RNF13: variants seen among roughly 807,000 people sequenced by gnomAD.
RNF13 encodes E3 ubiquitin-protein ligase RNF13.
Under a neutral mutation model 37.7 loss-of-function variants are expected in RNF13, and 19 were observed. The ratio of observed to expected loss-of-function variants is 0.50; its 90% confidence interval spans 0.35 to 0.74. RNF13 has a LOEUF of 0.74. Among genes scored for constraint, RNF13 ranks in the 30% least tolerant of loss-of-function variants. The pLI is 0.01. For synonymous variants in RNF13, 144 were observed against 157.8 expected, an observed-to-expected ratio of 0.91 and a Z score of 0.65; for missense variants, 375 against 453.0, an observed-to-expected ratio of 0.83 and a Z score of 1.56.
intron 5 of RNF13, among the ~76,000 whole-genome samples, chr3:149,896,073 G>A (rs972736885): frequency 6.6e-6 from 1 of 152,084 alleles, no homozygotes; most frequent in African/African-American, 2.4e-5. Context: ...AGCTTGTAGG[G>A]AAAAACGAGC....
intron 1 of RNF13, among the ~76,000 whole-genome samples, chr3:149,818,898 G>A (rs536664102): frequency 1.3e-5 from 2 of 152,002 alleles, no homozygotes; most frequent in Non-Finnish European, 2.9e-5. Flanking sequence ...GTGACAGAGC[G>A]TGACTCTGTC....
intron 7 of RNF13, among the ~76,000 whole-genome samples, chr3:149,913,790 T>G (rs1450248750): frequency 6.6e-6 from 1 of 152,194 alleles, no homozygotes; most frequent in African/African-American, 2.4e-5. Flanking sequence ...TTTGAGGGTA[T>G]ATGGTATCTG....
chr3:149,816,582 A>G (rs1397545287), intron 1 of RNF13, among the ~76,000 whole-genome samples: 5 of 149,264 alleles, frequency 3.3e-5, no homozygotes, highest in Admixed American at 1.3e-4. Context: ...AGGAGGGTGG[A>G]AAAAAAAAAG....
intron 3 of RNF13, among the ~76,000 whole-genome samples, chr3:149,869,467 G>A (rs959509656): frequency 2.6e-5 from 4 of 151,076 alleles, no homozygotes; most frequent in African/African-American, 7.3e-5. Flanking sequence ...TTAGCCGGGC[G>A]TAGTGGCGGG....
chr3:149,942,245 G>C (rs892799311), intron 8 of RNF13, among the ~76,000 whole-genome samples: 2 of 152,064 alleles, frequency 1.3e-5, no homozygotes, highest in Non-Finnish European at 2.9e-5. Context: ...AATGTCATTG[G>C]TATTTTGATA....
At chr3:149,832,802 G>T (rs116378835) in intron 1 of RNF13, among the ~76,000 whole-genome samples, 1 of 152,134 alleles carries the variant, frequency 6.6e-6, no homozygotes, top group African/African-American at 2.4e-5. Flanking sequence ...TGAATACCTG[G>T]AAAGACACAA....
At chr3:149,820,244 G>A (rs1021392356) in intron 1 of RNF13, among the ~76,000 whole-genome samples, 4 of 151,314 alleles carry the variant, frequency 2.6e-5, no homozygotes, top group South Asian at 2.1e-4. Flanking sequence ...TAAAGAGACC[G>A]TCTTTTTCTG....
At chr3:149,959,021 A>G (rs1722129674) in intron 8 of RNF13, among the ~76,000 whole-genome samples, 1 of 152,332 alleles carries the variant, frequency 6.6e-6, no homozygotes, top group South Asian at 2.1e-4. Context: ...CATCCAGACT[A>G]TCCATCCAGA....
chr3:149,956,712 T>C (rs774068667), intron 8 of RNF13, among the ~76,000 whole-genome samples: 20 of 152,220 alleles, frequency 1.3e-4, no homozygotes, highest in Non-Finnish European at 1.9e-4. Context: ...TATTGTTTCA[T>C]ATAACAGACA....
chr3:149,859,264 A>G (rs1723978163), intron 3 of RNF13, among the ~76,000 whole-genome samples: 1 of 152,236 alleles, frequency 6.6e-6, no homozygotes, highest in African/African-American at 2.4e-5. Flanking sequence ...TATACATGAA[A>G]TAAGAATTCT....
intron 4 of RNF13, among the ~76,000 whole-genome samples, chr3:149,888,555 T>C (rs916577241): frequency 2.6e-5 from 4 of 152,234 alleles, no homozygotes; most frequent in African/African-American, 9.6e-5. Context: ...AAATTACTCT[T>C]CGTGCAAAAC....
At chr3:149,892,859 G>A (rs1237323941) in intron 4 of RNF13, among the ~76,000 whole-genome samples, 1 of 152,094 alleles carries the variant, frequency 6.6e-6, no homozygotes, top group Non-Finnish European at 1.5e-5. Flanking sequence ...GTAAGTATAA[G>A]ACACTATATA....
At chr3:149,865,346 A>ATG (rs1171252509) in intron 3 of RNF13, among the ~76,000 whole-genome samples, 8 of 148,958 alleles carry the variant, frequency 5.4e-5, no homozygotes, top group African/African-American at 2.0e-4. Context: ...ATATATATAT[A>ATG]TATATGTATA....
chr3:149,819,179 A>G (rs1471354222), intron 1 of RNF13, among the ~76,000 whole-genome samples: 1 of 152,218 alleles, frequency 6.6e-6, no homozygotes, highest in Non-Finnish European at 1.5e-5. Context: ...CTAATGTTTC[A>G]CTTCACTAAC....
intron 1 of RNF13, among the ~76,000 whole-genome samples, chr3:149,838,597 T>C (rs571577444): frequency 6.6e-6 from 1 of 152,294 alleles, no homozygotes; most frequent in East Asian, 1.9e-4. Flanking sequence ...TGGCTCTGTT[T>C]AGCCACGGCT....
At chr3:149,957,450 A>G (rs1251384504) in intron 8 of RNF13, among the ~76,000 whole-genome samples, 2 of 152,180 alleles carry the variant, frequency 1.3e-5, no homozygotes, top group Non-Finnish European at 2.9e-5. Context: ...AAATAAAACC[A>G]GAAGTCTTTT....
At chr3:149,933,415 A>T (rs1335850456) in intron 8 of RNF13, among the ~76,000 whole-genome samples, 1 of 152,096 alleles carries the variant, frequency 6.6e-6, no homozygotes, top group Admixed American at 6.5e-5. Flanking sequence ...GCCACCAAGG[A>T]TTACAGCTTG....
intron 1 of RNF13, among the ~76,000 whole-genome samples, chr3:149,836,850 A>G (rs996719927): frequency 3.9e-5 from 6 of 152,246 alleles, no homozygotes; most frequent in Non-Finnish European, 5.9e-5. Flanking sequence ...ATGTGGTACA[A>G]CACTTCAAGA....
chr3:149,913,512 A>G (rs1030563109), intron 7 of RNF13, among the ~76,000 whole-genome samples: 3 of 152,168 alleles, frequency 2.0e-5, no homozygotes, highest in African/African-American at 4.8e-5. Context: ...TAAACTCCAC[A>G]TTTTGGATTT....
Sources: gnomAD v4.1 joint callset for allele counts (sites outside exome capture counted in the v4.1 genomes callset) on GRCh38, gnomAD v4.1.1 for gene constraint, MANE v1.5 for transcripts, NCBI Gene and HGNC (gene_info 2026-07-23, HGNC 2026-07-21) for gene names.